IL17RA: variants seen among roughly 807,000 people sequenced by gnomAD.
IL17RA encodes the protein interleukin 17 receptor A, also known as interleukin-17 receptor A.
Under a neutral mutation model 50.4 loss-of-function variants are expected in IL17RA, and 34 were observed. The ratio of observed to expected loss-of-function variants is 0.67; its 90% CI spans 0.51 to 0.90. The LOEUF is 0.90. Ranked by LOEUF, IL17RA falls within the 40% of genes least tolerant of loss-of-function variation. The probability of loss-of-function intolerance (pLI) is 0.00; values close to 1 mark genes in which losing one functional copy is unlikely to be tolerated. For missense variants in IL17RA, 1,276 were observed against 1,169.8 expected, an observed-to-expected ratio of 1.09 and a Z score of -1.32; for synonymous variants, 585 against 510.4, an observed-to-expected ratio of 1.15 and a Z score of -1.97.
chr22:17,099,753 A>G (rs1373508523), intron 4 of IL17RA, among the ~76,000 whole-genome samples: 1 of 152,290 alleles, frequency 6.6e-6, no homozygotes, highest in South Asian at 2.1e-4. Context: ...CCCCTCCACC[A>G]GGGTAACTAG....
chr22:17,100,593 A>G (rs1441966547), intron 5 of IL17RA, 112 bp downstream of exon 5: 1 of 1,367,406 alleles, frequency 7.3e-7, no homozygotes, highest in Admixed American at 1.7e-5. Flanking sequence ...TGGCATTGCC[A>G]GCACCTGGGA....
At chr22:17,097,316 T>G (rs540158116) in intron 2 of IL17RA, 5 of 597,712 alleles carry the variant, frequency 8.4e-6, no homozygotes, top group Non-Finnish European at 1.5e-5. Flanking sequence ...ATTTGGATTG[T>G]GAAAGTATTC....
chr22:17,096,542 T>G (rs1372540666), intron 1 of IL17RA, among the ~76,000 whole-genome samples: 2 of 152,052 alleles, frequency 1.3e-5, no homozygotes, highest in African/African-American at 4.8e-5. Flanking sequence ...CTTTTAAAAT[T>G]GTCAAGGTCC....
At position 17,109,080 on chromosome 22, in the gene IL17RA, G is replaced by C; in HGVS notation, c.1861G>C (p.Ala621Pro). 1 of 1,576,680 alleles carries C rather than the reference G, an allele frequency of 6.3e-7. No homozygotes were observed. The highest frequency in any genetic ancestry group is 8.5e-7 in the Non-Finnish European group (1 of 1,170,022). ...TCCGGGAACCGGCATCGTGAAGCGGGCGCCCCTGGTGCGCGAGCCTGGCTC... is the reference window on the plus strand; with the variant it reads ...TCCGGGAACCGGCATCGTGAAGCGGCCGCCCCTGGTGCGCGAGCCTGGCTC... Reference protein sequence around the residue: ...LPPGTGIVKRAPLVREPGSQA... With the variant: ...LPPGTGIVKRPPLVREPGSQA... Residue 621 changes from alanine to proline, a missense_variant, in exon 13 of 13, where the codon GCG becomes CCG. Coordinates refer to ENST00000319363, the MANE Select transcript of IL17RA (RefSeq NM_014339.7).
At chr22:17,091,479 A>C (rs1278105987) in intron 1 of IL17RA, among the ~76,000 whole-genome samples, 1 of 152,124 alleles carries the variant, frequency 6.6e-6, no homozygotes, top group Non-Finnish European at 1.5e-5. Context: ...GATTGAGACC[A>C]TCCTGTCTAA....
At position 17,085,003 on chromosome 22, in the gene IL17RA, T is replaced by C; in HGVS notation, c.-89T>C. On this transcript the variant is annotated 5_prime_UTR_variant, in exon 1 of 13. Transcript: ENST00000319363. ...CGGAAGCGAGCAAAGTGGAGCCGACTCGAACTCCACCGCGGAAAAGAAAGC... is the reference window on the plus strand; with the variant it reads ...CGGAAGCGAGCAAAGTGGAGCCGACCCGAACTCCACCGCGGAAAAGAAAGC... 2 of 1,256,182 alleles carry C rather than the reference T, an allele frequency of 1.6e-6. No homozygotes were observed. The highest frequency in any genetic ancestry group is 2.0e-6 in the Non-Finnish European group (2 of 994,190). 77.8% of individuals were successfully genotyped at this position (1,256,182 alleles called of 1,614,324 possible).
intron 1 of IL17RA, among the ~76,000 whole-genome samples, chr22:17,088,381 C>T (rs1234502466): frequency 2.6e-5 from 4 of 151,758 alleles, no homozygotes; most frequent in African/African-American, 9.7e-5. Context: ...TGCAGTGGTG[C>T]GATCTCAGCT....
intron 8 of IL17RA, among the ~76,000 whole-genome samples, chr22:17,103,874 T>A (rs1343299897): frequency 8.1e-6 from 1 of 123,862 alleles, no homozygotes; most frequent in East Asian, 2.5e-4. Context: ...GAGAGAGTGG[T>A]GTGGCTGGGA....
At chr22:17,093,971 C>CTTTATTTTATTTTATTTTATT (rs1483673128) in intron 1 of IL17RA, 7 of 69,644 alleles carry the variant, frequency 1.0e-4, no homozygotes, top group Non-Finnish European at 3.1e-4. Context: ...TTTATTTTAT[C>CTTTATTTTATTTTATTTTATT]TTACTTTATT....
rs2061446369 is a variant in IL17RA at position 17,112,262 on chromosome 22, G to C, written c.*2442G>C. On this transcript the variant is annotated 3_prime_UTR_variant, in exon 13 of 13. Transcript: ENST00000319363. ...TGATGGGCATTGCCTACTATCTCCA[G>C]GGCAGCTGCCTTTGTCCTCCTAACA... The C allele has an allele frequency of 6.6e-6, 1 of 152,174 alleles. No individual in the cohort carries two copies. Among genetic ancestry groups the C allele is most frequent in the South Asian group, 2.1e-4 (1 of 4,826 alleles). The allele number at this position is 152,174 out of a possible 1,614,324, so 9.4% of individuals were successfully genotyped here.
At chr22:17,093,606 C>T (rs546277679) in intron 1 of IL17RA, 6 of 153,810 alleles carry the variant, frequency 3.9e-5, no homozygotes, top group Admixed American at 2.6e-4. Flanking sequence ...TATTTGACAT[C>T]AACAGTTTGT....
Position 17,110,673 on chromosome 22 carries a change from T to G in IL17RA, c.*853T>G, listed in dbSNP as rs1601352039. 1 of 150,680 alleles carries G rather than the reference T, an allele frequency of 6.6e-6. No homozygotes were observed. The highest frequency in any genetic ancestry group is 2.0e-4 in the East Asian group (1 of 5,070). The allele number at this position is 150,680 out of a possible 1,614,324, so 9.3% of individuals were successfully genotyped here. ...GTGAGACCTCATCTCTACCTAAATT[T>G]TTTTTTAGTCAGTCATGGTGGCACA... On this transcript the variant is annotated 3_prime_UTR_variant, in exon 13 of 13. Transcript: ENST00000319363.
chr22:17,105,751 G>A, intron 10 of IL17RA, 102 bp from the exon 11 acceptor site: 1 of 1,394,230 alleles, frequency 7.2e-7, no homozygotes, highest in Non-Finnish European at 1.0e-6. Flanking sequence ...GTCGTGGTGG[G>A]GCCAGAGAGG....
At position 17,108,866 on chromosome 22, in the gene IL17RA, C is replaced by CG. The variant is rs1568923669; in HGVS notation, c.1648dup (p.Val550GlyfsTer39). Reference sequence around the variant, plus strand: ...TGTTCCAGCCGGGCCGCATGCACCGCGTAGGGGAGCTGTCGGGGGACAACT... The same window carrying CG: ...TGTTCCAGCCGGGCCGCATGCACCGCGGTAGGGGAGCTGTCGGGGGACAACT... On this transcript the variant is annotated frameshift_variant, in exon 13 of 13. Transcript: ENST00000319363. LOFTEE classifies it low-confidence loss of function (END_TRUNC). 1 of 1,609,780 alleles carries CG rather than the reference C, an allele frequency of 6.2e-7. No individual in the cohort carries two copies. The highest frequency in any genetic ancestry group is 8.5e-7 in the Non-Finnish European group (1 of 1,178,346).
Position 17,100,399 on chromosome 22 carries a change from A to G in IL17RA, c.468A>G (p.Glu156=), listed in dbSNP as rs755763827. The change falls in exon 5 of 13, where the codon GAA becomes GAG. Residue 156 remains glutamate, a synonymous_variant. Coordinates refer to ENST00000319363, the MANE Select transcript of IL17RA (RefSeq NM_014339.7). ...FSHFVVDPDQ[E]YEVTVHHLPK... is the part of the protein sequence containing the mutation. ...ACTTTGTGGTTGACCCTGACCAGGA[A>G]TATGAGGTGACCGTTCACCACCTGC... The G allele has an allele frequency of 1.2e-6, 2 of 1,614,106 alleles. No individual in the cohort carries two copies. Among genetic ancestry groups the G allele is most frequent in the Non-Finnish European group, 8.5e-7 (1 of 1,179,990 alleles).
chr22:17,089,793 C>A (rs769284963), intron 1 of IL17RA, among the ~76,000 whole-genome samples: 4 of 151,854 alleles, frequency 2.6e-5, no homozygotes, highest in Non-Finnish European at 5.9e-5. Flanking sequence ...GGATCTCTTG[C>A]GCCCAAGAGG....
chr22:17,099,025 CCT>C (rs2061379965), intron 4 of IL17RA, 138 bp downstream of exon 4: 1 of 749,150 alleles, frequency 1.3e-6, no homozygotes, highest in Non-Finnish European at 2.4e-6. Context: ...AGAATGGCAG[CCT>C]GAGATGGGCA....
At position 17,086,221 on chromosome 22, in the gene IL17RA, CCCTCCA is replaced by C. The variant is rs541931710; in HGVS notation, c.138+1013_138+1018del. On this transcript the variant is annotated intron_variant, in intron 1 of 12. Coordinates refer to ENST00000319363, the MANE Select transcript of IL17RA (RefSeq NM_014339.7). ...CGCATCCCCGAGGGGATCTTTCCTC[CCCTCCA>C]CCTCCACCTCCACCTCCACCGCTGA... is the stretch of plus-strand genomic sequence containing the variant. 1.5e-3 allele frequency among the ~76,000 whole-genome samples: 232 copies of C among 152,108 alleles called. 3 individuals carry two copies. The highest frequency in any genetic ancestry group is 8.3e-3 in the Admixed American group (126 of 15,260).
At chr22:17,105,715 CG>C (rs536619616) in intron 10 of IL17RA, 113 bp downstream of exon 10, 3 of 1,295,892 alleles carry the variant, frequency 2.3e-6, no homozygotes, top group Middle Eastern at 2.2e-4. Flanking sequence ...GAGGCCAGCC[CG>C]GGGTGGGGGG....
Sources: allele counts gnomAD v4.1 joint callset (sites outside exome capture counted in the v4.1 genomes callset), GRCh38; gene constraint gnomAD v4.1.1; transcripts MANE v1.5; gene names NCBI Gene and HGNC (gene_info 2026-07-23, HGNC 2026-07-21).